The following PDE4B variants were observed in gnomAD, a reference collection of about 807,000 sequenced individuals.
PDE4B encodes phosphodiesterase 4B, also known as 3',5'-cyclic-AMP phosphodiesterase 4B.
In PDE4B, 20 loss-of-function variants were observed where a neutral mutation model predicts 82.2. The observed-to-expected ratio is 0.24, with a 90% confidence interval of 0.17 to 0.35. The LOEUF (loss-of-function observed/expected upper bound fraction) is 0.35, where lower values mean the gene tolerates loss of function less well. PDE4B is among the 10% of genes least tolerant of loss of function. The pLI, the probability that PDE4B is intolerant of heterozygous loss-of-function variation, is 1.00. For missense variants in PDE4B, 655 were observed against 907.2 expected (o/e 0.72, Z 3.57); for synonymous variants, 320 against 318.9 (o/e 1.00, Z -0.04).
chr1:66,110,656 G>A (rs1645466910), intron 3 of PDE4B, among the ~76,000 whole-genome samples: 1 of 152,046 alleles, frequency 6.6e-6, no homozygotes, highest in African/African-American at 2.4e-5. Flanking sequence ...ACTTGGGAAT[G>A]TTATTTAACT....
chr1:66,083,071 T>C (rs1051745859), intron 3 of PDE4B, among the ~76,000 whole-genome samples: 1 of 152,160 alleles, frequency 6.6e-6, no homozygotes, highest in Non-Finnish European at 1.5e-5. Flanking sequence ...TCCCTCATCC[T>C]GCAGTTTGTT....
At chr1:66,171,204 A>G (rs543219531) in intron 3 of PDE4B, among the ~76,000 whole-genome samples, 1 of 152,282 alleles carries the variant, frequency 6.6e-6, no homozygotes, top group African/African-American at 2.4e-5. Context: ...AGAGACATTC[A>G]AGGAAAAGGA....
At chr1:65,957,072 T>G (rs930414599) in intron 3 of PDE4B, among the ~76,000 whole-genome samples, 2 of 152,118 alleles carry the variant, frequency 1.3e-5, no homozygotes. Flanking sequence ...TGTTCTCTTT[T>G]GTTTTTCTTC....
At chr1:66,263,945 C>G (rs1654860574) in intron 6 of PDE4B, among the ~76,000 whole-genome samples, 2 of 152,180 alleles carry the variant, frequency 1.3e-5, no homozygotes. Context: ...GTCCCTCATT[C>G]ATTCACTCTT....
intron 7 of PDE4B, among the ~76,000 whole-genome samples, chr1:66,293,925 G>C (rs939174041): frequency 2.0e-5 from 3 of 152,180 alleles, no homozygotes; most frequent in African/African-American, 7.2e-5. Context: ...AAGCTCTGTG[G>C]CCGGACATGG....
chr1:66,331,837 T>C, intron 7 of PDE4B: 2 of 985,344 alleles, frequency 2.0e-6, no homozygotes, highest in Non-Finnish European at 2.4e-6. Flanking sequence ...TGGAGTCTTA[T>C]CAGGGAGACC....
chr1:66,030,141 G>A (rs547758463), intron 3 of PDE4B, among the ~76,000 whole-genome samples: 1 of 151,754 alleles, frequency 6.6e-6, no homozygotes, highest in South Asian at 2.1e-4. Flanking sequence ...CTGTTTATGG[G>A]GTGAATCACA....
At chr1:65,825,827 C>A (rs926125461) in intron 1 of PDE4B, among the ~76,000 whole-genome samples, 2 of 151,614 alleles carry the variant, frequency 1.3e-5, no homozygotes, top group African/African-American at 4.8e-5. Context: ...CTTTAGTTTT[C>A]CTTTCCTGAG....
chr1:66,218,607 C>T (rs1289285721), intron 3 of PDE4B, among the ~76,000 whole-genome samples: 2 of 152,090 alleles, frequency 1.3e-5, no homozygotes, highest in African/African-American at 2.4e-5. Context: ...TGCTCACCAG[C>T]CACCCCCAGC....
At chr1:65,991,366 C>G (rs548601680) in intron 3 of PDE4B, among the ~76,000 whole-genome samples, 3 of 152,144 alleles carry the variant, frequency 2.0e-5, no homozygotes, top group Non-Finnish European at 2.9e-5. Flanking sequence ...CAGGCATGAG[C>G]CACCACGCTC....
chr1:65,862,566 A>G (rs1477064389), intron 1 of PDE4B, among the ~76,000 whole-genome samples: 1 of 152,156 alleles, frequency 6.6e-6, no homozygotes, highest in African/African-American at 2.4e-5. Context: ...GGCCTCATAA[A>G]ATGAGTTAGG....
chr1:66,323,378 A>G (rs776107870), intron 7 of PDE4B, among the ~76,000 whole-genome samples: 19 of 152,122 alleles, frequency 1.2e-4, no homozygotes, highest in Non-Finnish European at 2.5e-4. Context: ...TATCCCTATT[A>G]TAAATGTTTA....
At chr1:66,328,307 G>C (rs138371281) in intron 7 of PDE4B, among the ~76,000 whole-genome samples, 1 of 152,186 alleles carries the variant, frequency 6.6e-6, no homozygotes, top group Non-Finnish European at 1.5e-5. Context: ...CCCTCTGGAA[G>C]TTTTTGAAAG....
intron 7 of PDE4B, among the ~76,000 whole-genome samples, chr1:66,305,189 A>G (rs546923105): frequency 2.0e-5 from 3 of 152,266 alleles, no homozygotes; most frequent in East Asian, 1.9e-4. Context: ...TTTTAGATAA[A>G]GAGGCCAGGA....
intron 1 of PDE4B, among the ~76,000 whole-genome samples, chr1:65,826,502 G>T (rs1191711107): frequency 6.6e-6 from 1 of 152,138 alleles, no homozygotes; most frequent in African/African-American, 2.4e-5. Context: ...TTTGAGGGAA[G>T]ATTAGAATGA....
intron 4 of PDE4B, among the ~76,000 whole-genome samples, chr1:66,251,201 A>G (rs1234853827): frequency 6.6e-6 from 1 of 152,212 alleles, no homozygotes; most frequent in Non-Finnish European, 1.5e-5. Flanking sequence ...GCTATCTGTT[A>G]AAATACTTTA....
intron 3 of PDE4B, among the ~76,000 whole-genome samples, chr1:66,202,755 T>C (rs1314413808): frequency 6.6e-6 from 1 of 152,126 alleles, no homozygotes; most frequent in African/African-American, 2.4e-5. Flanking sequence ...GCACGTGAGA[T>C]GGGTTTCCTG....
intron 3 of PDE4B, among the ~76,000 whole-genome samples, chr1:66,214,701 C>A (rs1169616717): frequency 6.6e-6 from 1 of 152,022 alleles, no homozygotes; most frequent in Non-Finnish European, 1.5e-5. Context: ...CCCTGTGTCA[C>A]AAGTGGTAGA....
At chr1:66,337,285 G>A (rs1485860941) in intron 8 of PDE4B, among the ~76,000 whole-genome samples, 1 of 152,152 alleles carries the variant, frequency 6.6e-6, no homozygotes, top group Non-Finnish European at 1.5e-5. Context: ...TCCACCCAAG[G>A]AAGTAAGGAG....
Sources: allele counts gnomAD v4.1 joint callset (sites outside exome capture counted in the v4.1 genomes callset), GRCh38; gene constraint gnomAD v4.1.1; transcripts MANE v1.5; gene names NCBI Gene and HGNC (gene_info 2026-07-23, HGNC 2026-07-21).